SIN3B: variants seen among roughly 807,000 people sequenced by gnomAD.
SIN3B encodes paired amphipathic helix protein Sin3b.
SIN3B carries 19 observed loss-of-function variants against 120.2 expected under a neutral mutation model. The observed-to-expected ratio is 0.16, with a 90% CI of 0.11 to 0.23. The LOEUF (loss-of-function observed/expected upper bound fraction) is 0.23, where lower values mean the gene tolerates loss of function less well. Among genes scored for constraint, SIN3B ranks in the 10% least tolerant of loss-of-function variants. The pLI, the probability that SIN3B is intolerant of heterozygous loss-of-function variation, is 1.00. For missense variants in SIN3B, 1,073 were observed against 1,573.0 expected (o/e 0.68, Z 5.38); for synonymous variants, 654 against 653.2 (o/e 1.00, Z -0.02).
At chr19:16,857,515 A>AATGTGTGTGTGTGTG (rs1491555514) in intron 8 of SIN3B, among the ~76,000 whole-genome samples, 1 of 62,162 alleles carries the variant, frequency 1.6e-5, no homozygotes, top group African/African-American at 6.5e-5. Flanking sequence ...CTTAAAAAAA[A>AATGTGTGTGTGTGTG]TATGTGTGTG....
chr19:16,856,465 C>G (rs528008034), intron 8 of SIN3B, among the ~76,000 whole-genome samples: 2 of 152,218 alleles, frequency 1.3e-5, no homozygotes, highest in South Asian at 4.1e-4. Flanking sequence ...ACAATAGAAT[C>G]TCACAAATAA....
At chr19:16,868,880 C>T (rs1176929292) in intron 12 of SIN3B, among the ~76,000 whole-genome samples, 2 of 152,038 alleles carry the variant, frequency 1.3e-5, no homozygotes, top group Non-Finnish European at 2.9e-5. Flanking sequence ...GAGGCGGGGG[C>T]TTGGTGACGA....
At chr19:16,875,796 GGTCTGGTCT>G in intron 14 of SIN3B, 2 of 536,812 alleles carry the variant, frequency 3.7e-6, no homozygotes, top group Non-Finnish European at 6.6e-6. Flanking sequence ...GGTCTGGTCT[GGTCTGGTCT>G]GTTTGGTCTG....
intron 3 of SIN3B, among the ~76,000 whole-genome samples, chr19:16,838,805 G>A (rs937241090): frequency 6.6e-6 from 1 of 151,702 alleles, no homozygotes; most frequent in Admixed American, 6.6e-5. Flanking sequence ...CCAAGTAGCC[G>A]GGATTACAAG....
chr19:16,837,365 G>C (rs1971361442), intron 3 of SIN3B, among the ~76,000 whole-genome samples: 1 of 152,146 alleles, frequency 6.6e-6, no homozygotes, highest in Non-Finnish European at 1.5e-5. Flanking sequence ...GATGGAAACA[G>C]AGTGGATGGT....
At chr19:16,830,568 A>G (rs1340554064) in intron 2 of SIN3B, among the ~76,000 whole-genome samples, 1 of 152,060 alleles carries the variant, frequency 6.6e-6, no homozygotes, top group Middle Eastern at 3.2e-3. Context: ...TAGAACTCAG[A>G]CCCTCTGACT....
At position 16,862,922 on chromosome 19, in the gene SIN3B, C is replaced by T. The variant is rs771385129; in HGVS notation, c.1266+363C>T. 34 of 1,614,112 alleles carry T rather than the reference C, an allele frequency of 2.1e-5. No homozygotes were observed. Among genetic ancestry groups the T allele is most frequent in the East Asian group, 8.9e-5 (4 of 44,906 alleles). ...CACTTCTCCAGGGTTCGTGGACAGA[C>T]GATTACTGCATGTCCAAGTTCAAGA... On this transcript the variant is annotated intron_variant, in intron 9 of 18. Transcript: ENST00000248054. This position sits in a 1 kb window ranked among gnomAD's most constrained non-coding sequence, Gnocchi z 4.7.
intron 3 of SIN3B, among the ~76,000 whole-genome samples, chr19:16,836,305 C>T (rs1971348340): frequency 6.6e-6 from 1 of 152,138 alleles, no homozygotes. Flanking sequence ...AAGGGGAAGA[C>T]AGACACAGGC....
chr19:16,857,517 A>ATGTGTGTGTG (rs72233219), intron 8 of SIN3B, among the ~76,000 whole-genome samples: 1,855 of 93,438 alleles, frequency 0.02, 47 homozygotes, highest in African/African-American at 0.058. Context: ...TAAAAAAAAT[A>ATGTGTGTGTG]TGTGTGTGTG....
At position 16,847,043 on chromosome 19, in the gene SIN3B, A is replaced by G. The variant is rs762377285; in HGVS notation, c.656A>G (p.Asn219Ser). The change falls in exon 5 of 19, where the codon AAC becomes AGC. Residue 219 changes from asparagine to serine, a missense_variant. Asn to Ser is a conservative substitution (Grantham distance 46). Transcript: ENST00000248054. Reference sequence around the variant, plus strand: ...GAGGAGGTGTTCACCGAGGTGGCCAACCTCTTCCGGGGCCAGGAGGACCTG... The same window carrying G: ...GAGGAGGTGTTCACCGAGGTGGCCAGCCTCTTCCGGGGCCAGGAGGACCTG... ...SEEEVFTEVA[N>S]LFRGQEDLLS... 1.6e-5 allele frequency: 26 copies of G among 1,613,950 alleles called. No individual in the cohort carries two copies. The highest frequency in any genetic ancestry group is 1.0e-4 in the Admixed American group (6 of 59,994).
At chr19:16,870,691 C>T (rs1342063910) in intron 13 of SIN3B, among the ~76,000 whole-genome samples, 2 of 150,422 alleles carry the variant, frequency 1.3e-5, no homozygotes, top group African/African-American at 4.9e-5. Context: ...GCTGGGATTA[C>T]AGGCACCCAC....
At chr19:16,846,124 CAGAT>C (rs1270543644) in intron 4 of SIN3B, among the ~76,000 whole-genome samples, 1 of 152,216 alleles carries the variant, frequency 6.6e-6, no homozygotes, top group Admixed American at 6.5e-5. Flanking sequence ...TGTCCGTATG[CAGAT>C]AGATCATTTC....
intron 3 of SIN3B, among the ~76,000 whole-genome samples, chr19:16,837,520 C>G (rs1262677957): frequency 2.0e-5 from 3 of 150,174 alleles, no homozygotes; most frequent in African/African-American, 7.4e-5. Flanking sequence ...AGGTGGACAG[C>G]AATGGCGACA....
chr19:16,840,320 A>G (rs1971401615), intron 3 of SIN3B, among the ~76,000 whole-genome samples: 1 of 152,186 alleles, frequency 6.6e-6, no homozygotes, highest in Admixed American at 6.5e-5. Context: ...TGGGACACAC[A>G]TCAGGGACAT....
chr19:16,832,191 C>CTTTTTTTTTTTTTT (rs10528185), intron 3 of SIN3B, among the ~76,000 whole-genome samples: 1 of 125,434 alleles, frequency 8.0e-6, no homozygotes, highest in Non-Finnish European at 1.7e-5. Context: ...TGCTGGCCCT[C>CTTTTTTTTTTTTTT]TTTTTTTTTT....
chr19:16,847,173 C>G (rs1030676241), intron 5 of SIN3B, 60 bp downstream of exon 5: 19 of 1,552,998 alleles, frequency 1.2e-5, no homozygotes, highest in Non-Finnish European at 1.5e-5. Context: ...AGGGCCCCAG[C>G]CAGCTTGACC....
intron 16 of SIN3B, 24 bp from the exon 17 acceptor site, chr19:16,877,521 G>C (rs1239728524): frequency 6.4e-7 from 1 of 1,561,650 alleles, no homozygotes; most frequent in South Asian, 1.2e-5. Flanking sequence ...GGGCATCACG[G>C]GCTGTGTCTC....
At chr19:16,839,414 G>A (rs779616904) in intron 3 of SIN3B, among the ~76,000 whole-genome samples, 9 of 152,104 alleles carry the variant, frequency 5.9e-5, no homozygotes, top group African/African-American at 1.7e-4. Context: ...TGGCTGTACC[G>A]TCCCATCTGG....
chr19:16,864,461 T>C (rs1971732865), intron 10 of SIN3B, among the ~76,000 whole-genome samples: 1 of 150,926 alleles, frequency 6.6e-6, no homozygotes, highest in South Asian at 2.1e-4. Flanking sequence ...CCTGAGTAAC[T>C]GGAACCACAA....
Sources: allele counts gnomAD v4.1 joint callset (sites outside exome capture counted in the v4.1 genomes callset), GRCh38; gene constraint gnomAD v4.1.1; non-coding constraint Gnocchi (gnomAD v3.1); transcripts MANE v1.5; gene names NCBI Gene and HGNC (gene_info 2026-07-23, HGNC 2026-07-21).